Variants in FYB1 observed in about 807,000 individuals in gnomAD.
FYB1 encodes the protein FYN binding protein 1.
FYB1 carries 41 observed loss-of-function variants against 94.1 expected under a neutral mutation model. The observed-to-expected ratio is 0.44, with a 90% CI of 0.34 to 0.57. FYB1 has a LOEUF of 0.57. Ranked by LOEUF, FYB1 falls within the 20% of genes least tolerant of loss-of-function variation. The pLI is 0.02. For missense variants in FYB1, 1,050 were observed against 976.8 expected, an observed-to-expected ratio of 1.07 and a Z score of -1.00; for synonymous variants, 367 against 353.2, an observed-to-expected ratio of 1.04 and a Z score of -0.44.
At chr5:39,240,816 T>C (rs1751172484) in intron 1 of FYB1, among the ~76,000 whole-genome samples, 1 of 152,194 alleles carries the variant, frequency 6.6e-6, no homozygotes, top group Non-Finnish European at 1.5e-5. Flanking sequence ...AATTCCATTA[T>C]TGGGTATATA....
At chr5:39,248,558 G>T (rs1409242532) in intron 1 of FYB1, among the ~76,000 whole-genome samples, 1 of 152,138 alleles carries the variant, frequency 6.6e-6, no homozygotes, top group Non-Finnish European at 1.5e-5. Flanking sequence ...GCAAGTATTG[G>T]CCGGGTGCTG....
chr5:39,165,205 A>T (rs1053242071), intron 2 of FYB1, among the ~76,000 whole-genome samples: 10 of 152,248 alleles, frequency 6.6e-5, no homozygotes, highest in African/African-American at 2.4e-4. Flanking sequence ...AAAAAGAACA[A>T]AGCTGGAGCC....
chr5:39,122,768 G>A (rs1740251115), intron 13 of FYB1, among the ~76,000 whole-genome samples: 1 of 152,068 alleles, frequency 6.6e-6, no homozygotes, highest in African/African-American at 2.4e-5. Flanking sequence ...ATGAAGTAGA[G>A]ACAGAAATTG....
In FYB1 at chr5:39,232,612, A is replaced by T. The variant is rs559030796; in HGVS notation, c.-27-29625T>A. Among the ~76,000 whole-genome samples, 4 of 151,282 alleles carry T rather than the reference A, an allele frequency of 2.6e-5. No homozygotes were observed. In the East Asian group the frequency reaches 7.8e-4, roughly 29 times the overall value. Reference sequence around the variant, plus strand: ...TTTAAGTTTTAGGGTACATGTGCACATTGTGCAGGTTAGTTACATATGTAT... The same window carrying T: ...TTTAAGTTTTAGGGTACATGTGCACTTTGTGCAGGTTAGTTACATATGTAT... On this transcript the variant is annotated intron_variant, in intron 1 of 1. Transcript: ENST00000510188.
chr5:39,119,193 A>T lies in FYB1; in HGVS notation c.2239-157T>A, dbSNP rs113959489. Among the ~76,000 whole-genome samples the T allele has an allele frequency of 9.2e-5, 14 of 152,228 alleles. 1 individual carries two copies. The highest frequency in any genetic ancestry group is 3.4e-4 in the African/African-American group (14 of 41,580). On this transcript the variant is annotated intron_variant, in intron 15 of 18. Coordinates refer to ENST00000512982, the MANE Select transcript of FYB1 (RefSeq NM_001465.6). ...TATTAAAGAAAATGTTGAGGGACAA[A>T]CATCATTCATAACCTCACCAACCTA...
At chr5:39,169,671 T>A (rs4957359) in intron 2 of FYB1, 1 of 438,762 alleles carries the variant, frequency 2.3e-6, no homozygotes, top group Non-Finnish European at 4.4e-6. Context: ...ATGGTGAAAC[T>A]CTGTCTCTAT....
chr5:39,202,552 G>A lies in FYB1; in HGVS notation c.409C>T (p.Pro137Ser), dbSNP rs1748446267. 1.2e-6 allele frequency: 2 copies of A among 1,613,986 alleles called. No individual in the cohort carries two copies. Among genetic ancestry groups the A allele is most frequent in the Non-Finnish European group, 1.7e-6 (2 of 1,179,896 alleles). The change falls in exon 2 of 19, where the codon CCA (proline) becomes TCA (serine). Residue 137 changes from proline (P) to serine (S), a missense_variant. Physicochemically the swap from Pro to Ser is moderately conservative, Grantham distance 74. Transcript: ENST00000512982. ...PTFPWPPGNK[P>S]SLHSVNQDHD... ...TCTTGGTTTACACTGTGAAGAGATG[G>A]CTTGTTTCCAGGAGGCCAGGGAAAT...
chr5:39,185,865 C>A (rs1025967038), intron 2 of FYB1, among the ~76,000 whole-genome samples: 7 of 152,000 alleles, frequency 4.6e-5, no homozygotes, highest in African/African-American at 1.7e-4. Context: ...CCATGGGTGA[C>A]TACTTGAGGG....
At chr5:39,184,610 A>G (rs1037958666) in intron 2 of FYB1, among the ~76,000 whole-genome samples, 1 of 152,212 alleles carries the variant, frequency 6.6e-6, no homozygotes, top group African/African-American at 2.4e-5. Context: ...ATATTTGCAG[A>G]ATATGCTATT....
chr5:39,190,690 C>T (rs767054148), intron 2 of FYB1, among the ~76,000 whole-genome samples: 44 of 152,132 alleles, frequency 2.9e-4, no homozygotes, highest in Non-Finnish European at 5.6e-4. Context: ...TACTGAAATG[C>T]ATTCTAAAGG....
intron 2 of FYB1, among the ~76,000 whole-genome samples, chr5:39,180,288 G>A (rs574211922): frequency 1.3e-5 from 2 of 152,194 alleles, no homozygotes; most frequent in South Asian, 2.1e-4. Context: ...GAAGTGAGGA[G>A]GAGTGTTTCT....
chr5:39,256,011 A>C (rs868430061), intron 1 of FYB1, among the ~76,000 whole-genome samples: 4 of 152,272 alleles, frequency 2.6e-5, no homozygotes, highest in Admixed American at 6.5e-5. Context: ...CAAATGTATT[A>C]GAACAGTTAA....
chr5:39,265,721 A>G (rs1677438), intron 1 of FYB1, among the ~76,000 whole-genome samples: 147,585 of 152,238 alleles, frequency 0.97, 71,700 homozygotes, highest in East Asian at 1. Context: ...TGACCCTCCC[A>G]GTGATTCTCA....
At chr5:39,231,158 A>AC (rs780907031) in intron 1 of FYB1, among the ~76,000 whole-genome samples, 1 of 118,044 alleles carries the variant, frequency 8.5e-6, no homozygotes, top group Non-Finnish European at 1.6e-5. Context: ...AAAAAAAAAA[A>AC]AAACAAAAAA....
At chr5:39,273,977 T>C (rs1198993412) in intron 1 of FYB1, among the ~76,000 whole-genome samples, 2 of 151,844 alleles carry the variant, frequency 1.3e-5, no homozygotes, top group Non-Finnish European at 2.9e-5. Flanking sequence ...CAGGCTAGAG[T>C]ACAGTGGCAC....
At chr5:39,247,829 C>T (rs1751549843) in intron 1 of FYB1, among the ~76,000 whole-genome samples, 1 of 151,772 alleles carries the variant, frequency 6.6e-6, no homozygotes, top group Non-Finnish European at 1.5e-5. Flanking sequence ...TACTAATAAA[C>T]ATTGAAAGTT....
At chr5:39,153,403 C>A (rs190807056) in intron 3 of FYB1, 45 bp downstream of exon 3, 3 of 1,600,638 alleles carry the variant, frequency 1.9e-6, no homozygotes, top group Non-Finnish European at 2.6e-6. Flanking sequence ...TGAAAATCTA[C>A]GGCAAGAGAC....
chr5:39,196,794 C>A (rs891942372), intron 2 of FYB1, among the ~76,000 whole-genome samples: 10 of 152,288 alleles, frequency 6.6e-5, no homozygotes, highest in Non-Finnish European at 1.3e-4. Context: ...ACACAGTCTG[C>A]GGAATCAGAA....
intron 1 of FYB1, among the ~76,000 whole-genome samples, chr5:39,261,332 A>C (rs1579804526): frequency 8.2e-6 from 1 of 122,342 alleles, no homozygotes; most frequent in South Asian, 3.0e-4. Flanking sequence ...ACGTGTGTAG[A>C]TTAAGACACA....
Sources: allele counts gnomAD v4.1 joint callset (sites outside exome capture counted in the v4.1 genomes callset), GRCh38; gene constraint gnomAD v4.1.1; transcripts MANE v1.5; gene names NCBI Gene and HGNC (gene_info 2026-07-23, HGNC 2026-07-21).